ABCB1: variants seen among roughly 807,000 people sequenced by gnomAD.
ABCB1 encodes the protein ATP binding cassette subfamily B member 1, also known as ATP-dependent translocase ABCB1.
Under a neutral mutation model 142.0 loss-of-function variants are expected in ABCB1, and 69 were observed. That is an observed-to-expected ratio of 0.49 (90% CI 0.40 to 0.59). The LOEUF (loss-of-function observed/expected upper bound fraction) is 0.59. ABCB1 is among the 20% of genes least tolerant of loss of function. The probability of loss-of-function intolerance (pLI) is 0.00; values close to 1 mark genes in which losing one functional copy is unlikely to be tolerated. For missense variants in ABCB1, 1,326 were observed against 1,554.7 expected (o/e 0.85, Z 2.47); for synonymous variants, 532 against 539.2 (o/e 0.99, Z 0.18).
chr7:87,560,646 A>G (rs1817522147), intron 8 of ABCB1, among the ~76,000 whole-genome samples: 2 of 152,208 alleles, frequency 1.3e-5, no homozygotes. Flanking sequence ...TTATAGCATC[A>G]GAATATTATA....
At chr7:87,707,188 TA>T (rs759525806) in intron 1 of ABCB1, among the ~76,000 whole-genome samples, 5 of 151,812 alleles carry the variant, frequency 3.3e-5, no homozygotes, top group Non-Finnish European at 7.4e-5. Flanking sequence ...TAGTATACAG[TA>T]AAAAATCATC....
At chr7:87,698,565 G>A (rs1189198909) in intron 1 of ABCB1, among the ~76,000 whole-genome samples, 2 of 152,110 alleles carry the variant, frequency 1.3e-5, no homozygotes, top group African/African-American at 4.8e-5. Flanking sequence ...GCTATAAAAA[G>A]ATAATTGGAT....
intron 4 of ABCB1, among the ~76,000 whole-genome samples, chr7:87,577,082 C>T (rs574835118): frequency 2.6e-5 from 4 of 152,086 alleles, no homozygotes; most frequent in Non-Finnish European, 5.9e-5. Flanking sequence ...CTACACTTCC[C>T]GGCCTCTGGT....
chr7:87,693,165 A>G (rs893948440), intron 1 of ABCB1, among the ~76,000 whole-genome samples: 1 of 152,052 alleles, frequency 6.6e-6, no homozygotes, highest in African/African-American at 2.4e-5. Context: ...CCATATTGTT[A>G]TACTAGCAAT....
At chr7:87,561,428 T>C in intron 7 of ABCB1, 41 bp from the exon 8 acceptor site, 2 of 1,557,738 alleles carry the variant, frequency 1.3e-6, no homozygotes, top group Middle Eastern at 1.7e-4. Flanking sequence ...AAAAACACGT[T>C]AATTTTATCT....
chr7:87,546,632 C>T (rs1311861870), intron 14 of ABCB1, among the ~76,000 whole-genome samples: 1 of 151,938 alleles, frequency 6.6e-6, no homozygotes, highest in African/African-American at 2.4e-5. Flanking sequence ...ACAGACCAGG[C>T]GTTGGCCAAT....
In ABCB1 at chr7:87,611,555, T is replaced by C. The variant is rs554415206; in HGVS notation, c.-330-10477A>G. On this transcript the variant is annotated intron_variant, in intron 1 of 28. Coordinates refer to the ABCB1 transcript ENST00000265724. ...ACATTGCTGCAAAGGACATGATTTT[T>C]TTTTTTTTAGGGCTGTGTAGAATTC... is the stretch of plus-strand genomic sequence containing the variant. 4.6e-5 allele frequency among the ~76,000 whole-genome samples: 7 copies of C among 152,310 alleles called. No homozygotes were observed. In the East Asian group the frequency reaches 1.3e-3, roughly 29 times the overall value.
intron 1 of ABCB1, among the ~76,000 whole-genome samples, chr7:87,637,151 A>G (rs1437481505): frequency 6.6e-6 from 1 of 152,132 alleles, no homozygotes; most frequent in Non-Finnish European, 1.5e-5. Flanking sequence ...ACAATTCAAG[A>G]TGAGATTTGG....
intron 4 of ABCB1, among the ~76,000 whole-genome samples, chr7:87,581,658 C>A (rs1202172): frequency 0.67 from 101,305 of 152,016 alleles, 34,317 homozygotes; most frequent in East Asian, 0.93. Flanking sequence ...AGTATTGGGA[C>A]GAGAAAACTT....
intron 9 of ABCB1, among the ~76,000 whole-genome samples, chr7:87,552,191 T>G (rs28381888): frequency 3.0e-3 from 452 of 152,316 alleles, no homozygotes; most frequent in African/African-American, 0.01. Flanking sequence ...TTTGTGCAAA[T>G]CAGTTTCTTA....
intron 1 of ABCB1, among the ~76,000 whole-genome samples, chr7:87,703,915 T>TTTTTTTG (rs1829350720): frequency 3.2e-4 from 6 of 18,528 alleles, no homozygotes; most frequent in East Asian, 3.0e-3. Context: ...TTTTTTTTGG[T>TTTTTTTG]TTTTTTTTTT....
chr7:87,602,177 T>C (rs1215065578), upstream of ABCB1, among the ~76,000 whole-genome samples: 1 of 151,970 alleles, frequency 6.6e-6, no homozygotes, highest in Non-Finnish European at 1.5e-5. Flanking sequence ...GTATTTTTCG[T>C]AGAGACTGGG....
At position 87,549,363 on chromosome 7, in the gene ABCB1, C is replaced by T. The variant is rs778579209; in HGVS notation, c.1710G>A (p.Gln570=). ...ALDTESEAVV[Q]VALDKARKGR... ...CCTCACTGACCTTATCCAGAGCCAC[C>T]TGAACCACTGCTTCGCTTTCTGTGT... Residue 570 remains glutamine, a synonymous_variant, in exon 14 of 28, where the codon CAG becomes CAA. Transcript: ENST00000622132. The T allele has an allele frequency of 1.9e-5, 31 of 1,614,042 alleles. No individual in the cohort carries two copies. The highest frequency in any genetic ancestry group is 2.5e-5 in the Non-Finnish European group (30 of 1,180,022).
chr7:87,658,038 A>T (rs947910380), intron 1 of ABCB1, among the ~76,000 whole-genome samples: 23 of 152,294 alleles, frequency 1.5e-4, no homozygotes, highest in African/African-American at 5.5e-4. Context: ...AACCAGGAAG[A>T]TCTCAGATTG....
rs940433101 is a variant in ABCB1, at chr7:87,619,876, A to C, written c.-330-18798T>G. Among the ~76,000 whole-genome samples, 3 of 152,154 alleles carry C rather than the reference A, an allele frequency of 2.0e-5. No homozygotes were observed. In the South Asian group the frequency reaches 6.2e-4, roughly 32 times the overall value. On this transcript the variant is annotated intron_variant, in intron 1 of 28. Coordinates refer to the ABCB1 transcript ENST00000265724. ...GAAAGTTCAAGGGGCGATCATTAAT[A>C]TCATTGTCATTTTGTTATATTTTAA...
At chr7:87,683,271 A>G (rs1206095583) in intron 1 of ABCB1, among the ~76,000 whole-genome samples, 1 of 152,190 alleles carries the variant, frequency 6.6e-6, no homozygotes, top group Non-Finnish European at 1.5e-5. Flanking sequence ...TCATATCAGC[A>G]ATAAGGCTCT....
At chr7:87,620,470 T>C (rs1820185247) in intron 1 of ABCB1, among the ~76,000 whole-genome samples, 1 of 152,176 alleles carries the variant, frequency 6.6e-6, no homozygotes, top group Non-Finnish European at 1.5e-5. Context: ...GTTTAGTCTT[T>C]GCCAAAATAT....
At chr7:87,602,537 C>T (rs12720464), upstream of ABCB1, among the ~76,000 whole-genome samples, 2,594 of 152,054 alleles carry the variant, frequency 0.017, 211 homozygotes, top group East Asian at 0.24. Flanking sequence ...GTTGCTTTAT[C>T]TCACCTTTCA....
rs146751951 is a variant in ABCB1, at chr7:87,572,758, G to A, written c.287-2535C>T. On this transcript the variant is annotated intron_variant, in intron 4 of 27. Transcript: ENST00000622132. Reference sequence around the variant, plus strand: ...TCATGTCCTTTGCAGGGACAGGGAGGGGGCTGGAGGCCATTATCCTTAGCA... The same window carrying A: ...TCATGTCCTTTGCAGGGACAGGGAGAGGGCTGGAGGCCATTATCCTTAGCA... Among the ~76,000 whole-genome samples the A allele has an allele frequency of 3.3e-5, 5 of 152,242 alleles. No individual in the cohort carries two copies. In the East Asian group the frequency reaches 7.7e-4, roughly 23 times the overall value.
Sources: allele counts gnomAD v4.1 joint callset (sites outside exome capture counted in the v4.1 genomes callset), GRCh38; gene constraint gnomAD v4.1.1; transcripts MANE v1.5; gene names NCBI Gene and HGNC (gene_info 2026-07-23, HGNC 2026-07-21).